ITGA9: variants seen among roughly 807,000 people sequenced by gnomAD.
ITGA9 encodes integrin subunit alpha 9.
In ITGA9, 56 loss-of-function variants were observed where a neutral mutation model predicts 127.8. The observed-to-expected ratio is 0.44, with a 90% confidence interval of 0.35 to 0.55. ITGA9 has a LOEUF of 0.55. ITGA9 is among the 20% of genes least tolerant of loss of function. The pLI is 0.00. For synonymous variants in ITGA9, 508 were observed against 514.5 expected (o/e 0.99, Z 0.17); for missense variants, 1,196 against 1,347.1 (o/e 0.89, Z 1.76).
intron 18 of ITGA9, among the ~76,000 whole-genome samples, chr3:37,709,359 A>G (rs1357348125): frequency 6.6e-6 from 1 of 152,182 alleles, no homozygotes; most frequent in African/African-American, 2.4e-5. Flanking sequence ...GCATTCATCC[A>G]TCTGGGGAGC....
chr3:37,618,971 G>T (rs1242231073), intron 15 of ITGA9, among the ~76,000 whole-genome samples: 2 of 152,058 alleles, frequency 1.3e-5, no homozygotes, highest in Non-Finnish European at 2.9e-5. Context: ...CCACTGTCCT[G>T]CACCCACTGT....
At chr3:37,727,173 A>G (rs1696222130) in intron 18 of ITGA9, among the ~76,000 whole-genome samples, 1 of 152,194 alleles carries the variant, frequency 6.6e-6, no homozygotes, top group African/African-American at 2.4e-5. Context: ...TCTTGAGAGT[A>G]TTGTACAGCT....
At position 37,503,222 on chromosome 3, in the gene ITGA9, A is replaced by G. The variant is rs749523365; in HGVS notation, c.657A>G (p.Gly219=). ...CTCCAGGGTCATTTTATTGGGCTGG[A>G]ACCATCAAAGTGCTGAACCTTACGG... The part of the protein sequence containing the change: ...MGAPGSFYWA[G]TIKVLNLTDN... The change falls in exon 6 of 28, where the codon GGA becomes GGG. Residue 219 remains glycine (G), a synonymous_variant. Transcript: ENST00000264741. 3.0e-5 allele frequency: 48 copies of G among 1,613,860 alleles called. No homozygotes were observed. In the Admixed American group the frequency reaches 3.2e-4, roughly 11 times the overall value.
At chr3:37,679,117 T>C (rs975046218) in intron 17 of ITGA9, among the ~76,000 whole-genome samples, 6 of 152,212 alleles carry the variant, frequency 3.9e-5, no homozygotes, top group East Asian at 1.9e-4. Context: ...TTGTATCTTA[T>C]GTTGACTACT....
At chr3:37,578,555 A>G (rs1699675036) in intron 15 of ITGA9, among the ~76,000 whole-genome samples, 1 of 152,192 alleles carries the variant, frequency 6.6e-6, no homozygotes, top group Admixed American at 6.5e-5. Context: ...GCCATGCCAC[A>G]GTGGTCCCTC....
At chr3:37,775,363 G>T (rs919395265) in intron 23 of ITGA9, among the ~76,000 whole-genome samples, 3 of 152,084 alleles carry the variant, frequency 2.0e-5, no homozygotes, top group Non-Finnish European at 2.9e-5. Flanking sequence ...GTCAAAAATT[G>T]GCCTGGTGCG....
intron 15 of ITGA9, among the ~76,000 whole-genome samples, chr3:37,543,005 T>A (rs1699289771): frequency 6.6e-6 from 1 of 152,176 alleles, no homozygotes; most frequent in Admixed American, 6.5e-5. Flanking sequence ...TGGTCACAGT[T>A]AAGGCATTTT....
chr3:37,729,904 A>G (rs1361018790), intron 18 of ITGA9, among the ~76,000 whole-genome samples: 1 of 152,050 alleles, frequency 6.6e-6, no homozygotes, highest in African/African-American at 2.4e-5. Flanking sequence ...GGGTTTCACC[A>G]TGTTGGCCAG....
intron 16 of ITGA9, among the ~76,000 whole-genome samples, chr3:37,653,182 A>ATTCC (rs1700445289): frequency 6.6e-6 from 1 of 152,234 alleles, no homozygotes; most frequent in African/African-American, 2.4e-5. Context: ...GTCTGTTGTG[A>ATTCC]TTCCCTCAGC....
At chr3:37,625,285 C>T (rs1235550001) in intron 15 of ITGA9, among the ~76,000 whole-genome samples, 1 of 152,200 alleles carries the variant, frequency 6.6e-6, no homozygotes, top group Non-Finnish European at 1.5e-5. Context: ...TTGTCTGTTT[C>T]CCCTGAGACT....
intron 5 of ITGA9, among the ~76,000 whole-genome samples, chr3:37,497,132 T>C (rs955599317): frequency 6.6e-6 from 1 of 152,246 alleles, no homozygotes; most frequent in African/African-American, 2.4e-5. Context: ...GTTTATGTTC[T>C]CAGTACATTA....
intron 18 of ITGA9, among the ~76,000 whole-genome samples, chr3:37,689,146 A>G (rs772763108): frequency 6.6e-6 from 1 of 152,220 alleles, no homozygotes; most frequent in Non-Finnish European, 1.5e-5. Context: ...AAGGTTACCT[A>G]TCTTCTCTGT....
At chr3:37,816,947 G>A (rs548478164) in intron 27 of ITGA9, among the ~76,000 whole-genome samples, 2 of 152,302 alleles carry the variant, frequency 1.3e-5, no homozygotes, top group East Asian at 1.9e-4. Flanking sequence ...CCTTGGCAAC[G>A]TGGGTGAAGA....
At chr3:37,478,330 T>C (rs1698515957) in intron 3 of ITGA9, among the ~76,000 whole-genome samples, 1 of 152,216 alleles carries the variant, frequency 6.6e-6, no homozygotes. Context: ...CTGATGTGCC[T>C]TTGTGGCCGA....
intron 18 of ITGA9, among the ~76,000 whole-genome samples, chr3:37,713,832 G>C (rs1701104684): frequency 1.3e-5 from 2 of 152,238 alleles, no homozygotes; most frequent in African/African-American, 2.4e-5. Flanking sequence ...TCTGAGCTGA[G>C]GATGACCCTC....
Position 37,496,653 on chromosome 3 carries a change from C to G in ITGA9, c.612+2085C>G, listed in dbSNP as rs536201997. Among the ~76,000 whole-genome samples the G allele has an allele frequency of 2.6e-3, 397 of 152,344 alleles. 1 individual carries two copies. Among genetic ancestry groups the G allele is most frequent in the African/African-American group, 8.8e-3 (366 of 41,564 alleles). On this transcript the variant is annotated intron_variant, in intron 5 of 27. Coordinates refer to ENST00000264741, the MANE Select transcript of ITGA9 (RefSeq NM_002207.3). ...AAAAATATCATGGTGCTCCCTTGCT[C>G]AGGACTTTCTGGTGTCTTCTCATCC...
chr3:37,702,257 CG>C (rs984980500), intron 18 of ITGA9, among the ~76,000 whole-genome samples: 1 of 152,152 alleles, frequency 6.6e-6, no homozygotes, highest in Non-Finnish European at 1.5e-5. Context: ...AGCCCCAGGA[CG>C]GTGCAGCCAG....
chr3:37,608,570 T>C (rs1364321045), intron 15 of ITGA9, among the ~76,000 whole-genome samples: 1 of 152,204 alleles, frequency 6.6e-6, no homozygotes, highest in Non-Finnish European at 1.5e-5. Context: ...GGGCCCCAGA[T>C]AGTACATTGG....
intron 2 of ITGA9, 34 bp from the exon 3 acceptor site, chr3:37,473,320 C>T: frequency 1.3e-6 from 2 of 1,572,112 alleles, no homozygotes; most frequent in Non-Finnish European, 1.8e-6. Context: ...CATCACTCCT[C>T]AACCCAAGTC....
Sources: allele counts gnomAD v4.1 joint callset (sites outside exome capture counted in the v4.1 genomes callset), GRCh38; gene constraint gnomAD v4.1.1; transcripts MANE v1.5; gene names NCBI Gene and HGNC (gene_info 2026-07-23, HGNC 2026-07-21).